KCNK2: variants seen among roughly 807,000 people sequenced by gnomAD.
KCNK2 encodes potassium two pore domain channel subfamily K member 2, also known as potassium channel subfamily K member 2.
KCNK2 carries 21 observed loss-of-function variants against 40.5 expected under a neutral mutation model. The observed-to-expected ratio is 0.52, with a 90% CI of 0.37 to 0.75. The LOEUF (loss-of-function observed/expected upper bound fraction) is 0.75. KCNK2 is among the 30% of genes least tolerant of loss of function. KCNK2 has a pLI of 0.00. For missense variants in KCNK2, 399 were observed against 531.6 expected (o/e 0.75, Z 2.45); for synonymous variants, 191 against 202.2 (o/e 0.94, Z 0.47).
intron 1 of KCNK2, among the ~76,000 whole-genome samples, chr1:215,022,550 C>T (rs1465611146): frequency 6.6e-6 from 1 of 152,100 alleles, no homozygotes; most frequent in African/African-American, 2.4e-5. Context: ...CCTTATGGAA[C>T]CATTACTATT....
chr1:215,090,328 C>T (rs1659640570), intron 2 of KCNK2, among the ~76,000 whole-genome samples: 1 of 152,110 alleles, frequency 6.6e-6, no homozygotes, highest in African/African-American at 2.4e-5. Context: ...TCCAAGAGTG[C>T]ATGGTGGAAG....
At chr1:215,030,156 A>G (rs1014676612) in intron 1 of KCNK2, among the ~76,000 whole-genome samples, 5 of 152,168 alleles carry the variant, frequency 3.3e-5, no homozygotes, top group African/African-American at 4.8e-5. Context: ...GATGACATGT[A>G]ATGTGAAGCA....
chr1:215,083,199 C>CG lies in KCNK2; in HGVS notation c.-187_-186insG. 1 of 685,072 alleles carries CG rather than the reference C, an allele frequency of 1.5e-6. No individual in the cohort carries two copies. Among genetic ancestry groups the CG allele is most frequent in the South Asian group, 1.5e-5 (1 of 66,984 alleles). 42.4% of individuals were successfully genotyped at this position (685,072 alleles called of 1,614,324 possible). On this transcript the variant is annotated 5_prime_UTR_variant, in exon 1 of 7. Transcript: ENST00000444842. ...GATTTCGTTTCTTCTCACGCTCCCC[C>CG]CCCCGCCCCCTCCCGCGTCCAGCCC...
At chr1:215,209,953 A>C (rs1480768498) in intron 6 of KCNK2, among the ~76,000 whole-genome samples, 2 of 52,354 alleles carry the variant, frequency 3.8e-5, no homozygotes, top group Non-Finnish European at 6.6e-5. Flanking sequence ...CAAAATAGGA[A>C]AATATATTTT....
At chr1:215,089,851 A>G in intron 2 of KCNK2, among the ~76,000 whole-genome samples, 1 of 142,356 alleles carries the variant, frequency 7.0e-6, no homozygotes, top group Admixed American at 7.1e-5. Flanking sequence ...TTTGAAACAG[A>G]GTTTCGCTCT....
chr1:215,110,648 A>G (rs1269144043), intron 2 of KCNK2, among the ~76,000 whole-genome samples: 1 of 152,002 alleles, frequency 6.6e-6, no homozygotes, highest in Non-Finnish European at 1.5e-5. Flanking sequence ...ACATTTTCTA[A>G]TCCCAAACAT....
intron 3 of KCNK2, among the ~76,000 whole-genome samples, chr1:215,125,632 A>G (rs1220843549): frequency 6.6e-6 from 1 of 151,778 alleles, no homozygotes; most frequent in African/African-American, 2.4e-5. Flanking sequence ...AGATACACCT[A>G]ATGTAAATGA....
intron 5 of KCNK2, among the ~76,000 whole-genome samples, chr1:215,184,553 G>A: frequency 6.6e-6 from 1 of 152,222 alleles, no homozygotes; most frequent in African/African-American, 2.4e-5. Context: ...ACATGGTTGG[G>A]GAGGCCTCAG....
At chr1:215,074,527 T>C (rs1349523083) in intron 1 of KCNK2, among the ~76,000 whole-genome samples, 3 of 152,200 alleles carry the variant, frequency 2.0e-5, no homozygotes, top group Non-Finnish European at 2.9e-5. Flanking sequence ...GAAGGCAAAA[T>C]GCTGGACTGG....
At chr1:215,115,354 G>A (rs1660885710) in intron 2 of KCNK2, among the ~76,000 whole-genome samples, 2 of 152,100 alleles carry the variant, frequency 1.3e-5, no homozygotes, top group Admixed American at 1.3e-4. Flanking sequence ...TCCAAATTTA[G>A]GAACCCTATG....
intron 1 of KCNK2, among the ~76,000 whole-genome samples, chr1:215,006,460 G>C (rs943375934): frequency 6.6e-6 from 1 of 152,150 alleles, no homozygotes; most frequent in African/African-American, 2.4e-5. Flanking sequence ...GAAAAGGTAC[G>C]ATAGTTTAAA....
chr1:215,223,457 T>C (rs1460219737), intron 6 of KCNK2, among the ~76,000 whole-genome samples: 1 of 151,650 alleles, frequency 6.6e-6, no homozygotes, highest in Non-Finnish European at 1.5e-5. Flanking sequence ...CCAATTCAAA[T>C]GAAAAATATA....
chr1:215,032,003 G>A (rs147805440), intron 1 of KCNK2, among the ~76,000 whole-genome samples: 183 of 151,920 alleles, frequency 1.2e-3, no homozygotes, highest in East Asian at 9.6e-3. Flanking sequence ...GTATCATTGC[G>A]GTCAATCATT....
intron 3 of KCNK2, among the ~76,000 whole-genome samples, chr1:215,144,986 C>A (rs991993326): frequency 7.9e-5 from 12 of 152,130 alleles, no homozygotes; most frequent in African/African-American, 2.7e-4. Flanking sequence ...GACTGAATAT[C>A]AAGTAGCTGT....
intron 5 of KCNK2, among the ~76,000 whole-genome samples, chr1:215,192,931 C>A (rs1571713968): frequency 6.6e-6 from 1 of 152,102 alleles, no homozygotes; most frequent in East Asian, 1.9e-4. Context: ...TTTTTATTGA[C>A]CCTTTATTAT....
At chr1:215,086,280 T>TCAAC (rs1659431427) in intron 1 of KCNK2, 88 bp from the exon 2 acceptor site, 1 of 1,099,734 alleles carries the variant, frequency 9.1e-7, no homozygotes, top group Admixed American at 2.1e-5. Context: ...CGGAATTCAA[T>TCAAC]CAACCTTCTC....
chr1:215,012,597 A>G (rs922948966), intron 1 of KCNK2, among the ~76,000 whole-genome samples: 3 of 150,948 alleles, frequency 2.0e-5, no homozygotes, highest in African/African-American at 7.3e-5. Context: ...TCAGCCTGCC[A>G]AGTAGCTGGG....
intron 1 of KCNK2, among the ~76,000 whole-genome samples, chr1:215,038,928 T>A (rs1380052349): frequency 6.6e-6 from 1 of 152,050 alleles, no homozygotes; most frequent in African/African-American, 2.4e-5. Flanking sequence ...TGATCATTTT[T>A]ACCTGCAGCA....
intron 3 of KCNK2, among the ~76,000 whole-genome samples, chr1:215,139,533 C>A (rs967606587): frequency 5.9e-5 from 9 of 152,056 alleles, no homozygotes; most frequent in Admixed American, 2.6e-4. Flanking sequence ...GCTGTAATCC[C>A]AACACTTTGG....
Sources: allele counts gnomAD v4.1 joint callset (sites outside exome capture counted in the v4.1 genomes callset), GRCh38; gene constraint gnomAD v4.1.1; transcripts MANE v1.5; gene names NCBI Gene and HGNC (gene_info 2026-07-23, HGNC 2026-07-21).